ZP3: variants seen among roughly 807,000 people sequenced by gnomAD.
ZP3 encodes zona pellucida glycoprotein 3, also known as zona pellucida sperm-binding protein 3.
ZP3 carries 21 observed loss-of-function variants against 35.6 expected under a neutral mutation model. That is an observed-to-expected ratio of 0.59 (90% confidence interval 0.42 to 0.85). The LOEUF (loss-of-function observed/expected upper bound fraction) is 0.85, where lower values mean the gene tolerates loss of function less well. ZP3 is among the 40% of genes least tolerant of loss of function. ZP3 has a pLI of 0.00. For synonymous variants in ZP3, 207 were observed against 214.5 expected, an observed-to-expected ratio of 0.96 and a Z score of 0.31; for missense variants, 437 against 536.5, an observed-to-expected ratio of 0.81 and a Z score of 1.83.
In ZP3 at chr7:76,406,784, G is replaced by GA. The variant is rs879441615; in HGVS notation, c.-67+9000dup. Among the ~76,000 whole-genome samples, 1,075 of 139,272 alleles carry GA rather than the reference G, an allele frequency of 7.7e-3. 10 individuals are homozygous for GA. Among genetic ancestry groups the GA allele is most frequent in the African/African-American group, 0.022 (844 of 38,286 alleles). The allele number at this position is 139,272 out of a possible 152,430, so 91.4% of individuals were successfully genotyped here. A position where few individuals can be genotyped will look rare whatever the true frequency, so the allele number is the denominator to read the frequency against. On this transcript the variant is annotated intron_variant, in intron 1 of 8. Transcript: ENST00000336517. ...TTTTTAATACCCCAATCCTAAATCAGAAAAAAAAAAAAATCTTCAAGGCCT... is the reference window on the plus strand; with the variant it reads ...TTTTTAATACCCCAATCCTAAATCAGAAAAAAAAAAAAAATCTTCAAGGCCT...
At chr7:76,439,131 CAAAA>C (rs775953355) in intron 5 of ZP3, among the ~76,000 whole-genome samples, 472 of 75,406 alleles carry the variant, frequency 6.3e-3, no homozygotes, top group Middle Eastern at 0.051. Context: ...GACTCCACCT[CAAAA>C]AAAAAAAAAA....
At chr7:76,397,911 C>G (rs1804694431) in intron 1 of ZP3, 60 of 1,386,766 alleles carry the variant, frequency 4.3e-5, no homozygotes, top group Non-Finnish European at 5.7e-5. Context: ...AGCCCGGTGT[C>G]CCAGGATCTA....
At chr7:76,401,119 A>T in intron 1 of ZP3, 1 of 1,465,718 alleles carries the variant, frequency 6.8e-7, no homozygotes, top group Non-Finnish European at 9.1e-7. Flanking sequence ...ACACCCCCCA[A>T]CTCCCACAGT....
At position 76,425,134 on chromosome 7, in the gene ZP3, A is replaced by AT; in HGVS notation, c.170_171insT (p.Lys57AsnfsTer14). ...GCCACTCTGATGGTCATGGTCAGCA[A>AT]AGACCTTTTTGGCACCGGGAAGCTC... On this transcript the variant is annotated frameshift_variant, in exon 1 of 8. Coordinates refer to ENST00000394857, the MANE Select transcript of ZP3 (RefSeq NM_001110354.2). LOFTEE classifies it high-confidence loss of function. 5 of 1,613,986 alleles carry AT rather than the reference A, an allele frequency of 3.1e-6. No individual in the cohort carries two copies. Among genetic ancestry groups the AT allele is most frequent in the Non-Finnish European group, 4.2e-6 (5 of 1,180,022 alleles).
intron 1 of ZP3, among the ~76,000 whole-genome samples, chr7:76,417,618 T>C (rs1805407721): frequency 6.6e-6 from 1 of 151,760 alleles, no homozygotes; most frequent in Admixed American, 6.6e-5. Context: ...TTTATTCTTT[T>C]TTTTTTTTTC....
intron 2 of ZP3, among the ~76,000 whole-genome samples, chr7:76,432,184 T>A (rs1274135034): frequency 6.9e-6 from 1 of 144,270 alleles, no homozygotes; most frequent in African/African-American, 2.8e-5. Context: ...CAGCTATCTT[T>A]TCTTTTCTTT....
chr7:76,429,129 C>G (rs891121481), intron 1 of ZP3: 1 of 253,094 alleles, frequency 4.0e-6, no homozygotes, highest in African/African-American at 2.2e-5. Flanking sequence ...TGCCCTGATG[C>G]CTCTATTGCT....
intron 1 of ZP3, 64 bp from the exon 2 acceptor site, chr7:76,429,451 G>C (rs768003422): frequency 2.0e-5 from 31 of 1,531,046 alleles, no homozygotes; most frequent in Middle Eastern, 1.7e-4. Flanking sequence ...GAGCACTCAG[G>C]TATGGCTTGG....
At chr7:76,423,580 A>G (rs1805574829), upstream of ZP3, among the ~76,000 whole-genome samples, 1 of 152,110 alleles carries the variant, frequency 6.6e-6, no homozygotes, top group Middle Eastern at 3.2e-3. Flanking sequence ...TGATGATGTC[A>G]GTGAAATCGT....
chr7:76,438,538 G>GAAAAAAAAAAAA (rs71085417), intron 5 of ZP3, among the ~76,000 whole-genome samples: 38 of 88,508 alleles, frequency 4.3e-4, no homozygotes, highest in African/African-American at 1.3e-3. Flanking sequence ...CTCCGTCTCA[G>GAAAAAAAAAAAA]AAAAAAAAAA....
Position 76,432,094 on chromosome 7 carries a change from T to C in ZP3, c.432-833T>C, listed in dbSNP as rs1413309650. On this transcript the variant is annotated intron_variant, in intron 2 of 7. Transcript: ENST00000394857. ...GGAGTGCAGTGGGGTGCCATCATAG[T>C]TCACTGCAGCCTTGACCTCCTGGGC... Among the ~76,000 whole-genome samples, 3 of 151,362 alleles carry C rather than the reference T, an allele frequency of 2.0e-5. No individual in the cohort carries two copies. The East Asian group carries it at 5.8e-4, about 29-fold the overall frequency.
At chr7:76,399,360 G>A (rs1804740708) in intron 1 of ZP3, among the ~76,000 whole-genome samples, 1 of 152,104 alleles carries the variant, frequency 6.6e-6, no homozygotes, top group South Asian at 2.1e-4. Context: ...AACTGTTAGC[G>A]ATGCAGATTC....
chr7:76,433,318 C>A, intron 3 of ZP3, 152 bp from the exon 4 acceptor site: 1 of 807,838 alleles, frequency 1.2e-6, no homozygotes, highest in Middle Eastern at 3.8e-4. Flanking sequence ...CCACACCCAG[C>A]TAACTTTTCT....
chr7:76,397,731 C>G, exon 1 of ZP3: 1 of 1,613,386 alleles, frequency 6.2e-7, no homozygotes, highest in South Asian at 1.1e-5. Context: ...TCCGGCAGCC[C>G]CCAGTCGTCG....
intron 1 of ZP3, among the ~76,000 whole-genome samples, chr7:76,415,855 C>T (rs1291289281): frequency 1.3e-5 from 2 of 151,768 alleles, no homozygotes; most frequent in East Asian, 2.0e-4. Context: ...TAGGGCTAGC[C>T]GCAGTGGCTC....
intron 1 of ZP3, among the ~76,000 whole-genome samples, chr7:76,413,036 C>T (rs1805288072): frequency 7.4e-6 from 1 of 135,222 alleles, no homozygotes. Flanking sequence ...GATCTCGGTT[C>T]ACTGCAACCT....
intron 1 of ZP3, among the ~76,000 whole-genome samples, chr7:76,403,754 C>A (rs1203384453): frequency 6.7e-6 from 1 of 150,100 alleles, no homozygotes; most frequent in African/African-American, 2.5e-5. Flanking sequence ...CTCCACTTCC[C>A]AGGTTCAAGT....
chr7:76,405,340 T>TTTCTTTCTTTCTTTC (rs3081031), intron 1 of ZP3, among the ~76,000 whole-genome samples: 40 of 48,950 alleles, frequency 8.2e-4, no homozygotes, highest in African/African-American at 2.5e-3. Context: ...TCTTTCTTTC[T>TTTCTTTCTTTCTTTC]TTTTTTTTTT....
At chr7:76,403,145 C>A (rs1804883515) in intron 1 of ZP3, among the ~76,000 whole-genome samples, 2 of 152,278 alleles carry the variant, frequency 1.3e-5, no homozygotes, top group South Asian at 4.1e-4. Flanking sequence ...CTTCATCATG[C>A]AGTTCTGAGC....
Sources: gnomAD v4.1 joint callset for allele counts (sites outside exome capture counted in the v4.1 genomes callset) on GRCh38, gnomAD v4.1.1 for gene constraint, MANE v1.5 for transcripts, NCBI Gene and HGNC (gene_info 2026-07-23, HGNC 2026-07-21) for gene names.